The following DNAH11 variants were observed in gnomAD, a reference collection of about 807,000 sequenced individuals.
DNAH11 encodes the protein dynein axonemal heavy chain 11, also known as axonemal beta dynein heavy chain 11.
Under a neutral mutation model 526.0 loss-of-function variants are expected in DNAH11, and 442 were observed. That is an observed-to-expected ratio of 0.84 (90% CI 0.78 to 0.91). The LOEUF (loss-of-function observed/expected upper bound fraction) is 0.91. DNAH11 is among the 40% of genes least tolerant of loss of function. DNAH11 has a pLI of 0.00. For missense variants in DNAH11, 6,989 were observed against 5,448.7 expected (o/e 1.28, Z -8.90); for synonymous variants, 2,461 against 1,935.9 (o/e 1.27, Z -7.12).
chr7:21,547,842 T>C (rs1324453886), intron 2 of DNAH11, among the ~76,000 whole-genome samples: 1 of 152,228 alleles, frequency 6.6e-6, no homozygotes, highest in Non-Finnish European at 1.5e-5. Context: ...CCCTTTTGGT[T>C]CTTGAATCAC....
intron 9 of DNAH11, among the ~76,000 whole-genome samples, chr7:21,586,355 C>T (rs546702524): frequency 2.0e-5 from 3 of 152,056 alleles, no homozygotes; most frequent in Admixed American, 6.5e-5. Flanking sequence ...TATTTGAAAC[C>T]CAAACTCAAC....
chr7:21,543,145 A>G lies in DNAH11; in HGVS notation c.-101A>G. 3.5e-6 allele frequency: 5 copies of G among 1,433,858 alleles called. No homozygotes were observed. Among genetic ancestry groups the G allele is most frequent in the Non-Finnish European group, 4.5e-6 (5 of 1,100,942 alleles). 88.8% of individuals were successfully genotyped at this position (1,433,858 alleles called of 1,614,324 possible). ...GGGTCTGCGCTCGCGGCGACCGCGG[A>G]GGAGGGTGGGCGCCTGCGGAGGTGT... On this transcript the variant is annotated 5_prime_UTR_variant, in exon 1 of 82. Coordinates refer to ENST00000409508, the MANE Select transcript of DNAH11 (RefSeq NM_001277115.2).
Position 21,742,035 on chromosome 7 carries a change from A to T in DNAH11, c.8023A>T (p.Ile2675Phe), listed in dbSNP as rs72657364. The change falls in exon 49 of 82, where the codon ATT (isoleucine) becomes TTT (phenylalanine). Residue 2675 changes from isoleucine (I) to phenylalanine (F), a missense_variant. Coordinates refer to ENST00000409508, the MANE Select transcript of DNAH11 (RefSeq NM_001277115.2). ...CCAACAGCAAGCATTTGCTCCATCAATTCTCAGGAGTGGCCCCACTTTGAT... is the reference window on the plus strand; with the variant it reads ...CCAACAGCAAGCATTTGCTCCATCATTTCTCAGGAGTGGCCCCACTTTGAT... ...HFQQQAFAPS[I>F]LRSGPTLIQA... 3.7e-5 allele frequency: 60 copies of T among 1,613,918 alleles called. No individual in the cohort carries two copies. The highest frequency in any genetic ancestry group is 7.7e-5 in the South Asian group (7 of 91,072).
chr7:21,619,130 T>C lies in DNAH11; in HGVS notation c.4285T>C (p.Leu1429=), dbSNP rs1388064376. 1 of 1,613,704 alleles carries C rather than the reference T, an allele frequency of 6.2e-7. No homozygotes were observed. Among genetic ancestry groups the C allele is most frequent in the African/African-American group, 1.3e-5 (1 of 75,052 alleles). Residue 1429 remains leucine (L), a synonymous_variant, in exon 24 of 82, where the codon TTG becomes CTG. Transcript: ENST00000409508. ...VKFLINEATT[L]ADLLALRLHR... is the part of the protein sequence containing the mutation. ...GTTTTTAATAAATGAAGCCACAACT[T>C]TGGCAGATTTGTTAGCACTGCGGTT...
chr7:21,790,911 T>C (rs1788454163), intron 61 of DNAH11, among the ~76,000 whole-genome samples: 1 of 152,226 alleles, frequency 6.6e-6, no homozygotes, highest in Admixed American at 6.5e-5. Context: ...ATTAAGCCTT[T>C]GAAAGATTTT....
chr7:21,720,106 C>A (rs1000337454), intron 43 of DNAH11, among the ~76,000 whole-genome samples: 2 of 152,212 alleles, frequency 1.3e-5, no homozygotes, highest in Non-Finnish European at 2.9e-5. Flanking sequence ...AACAGCATTT[C>A]TTTCAAGGTT....
chr7:21,625,661 G>A (rs1011043905), intron 25 of DNAH11, among the ~76,000 whole-genome samples: 62 of 151,972 alleles, frequency 4.1e-4, no homozygotes, highest in African/African-American at 1.3e-3. Context: ...CTTAGAACTG[G>A]TTTTGCTGCA....
intron 41 of DNAH11, 133 bp from the exon 42 acceptor site, chr7:21,711,579 T>C: frequency 1.6e-6 from 2 of 1,283,296 alleles, no homozygotes; most frequent in Non-Finnish European, 2.1e-6. Flanking sequence ...TAGATCTTTA[T>C]TCAGACTGCA....
chr7:21,867,005 T>C (rs1476524329), intron 71 of DNAH11, among the ~76,000 whole-genome samples: 3 of 152,240 alleles, frequency 2.0e-5, no homozygotes, highest in African/African-American at 7.2e-5. Context: ...TTCCATCGTT[T>C]TCTTTCAGTG....
intron 20 of DNAH11, among the ~76,000 whole-genome samples, chr7:21,613,724 T>C (rs1198734373): frequency 1.3e-5 from 2 of 152,186 alleles, no homozygotes; most frequent in Non-Finnish European, 2.9e-5. Flanking sequence ...TGTGAGATAA[T>C]GCATATATTA....
chr7:21,661,353 TG>T (rs1554331492), intron 30 of DNAH11, among the ~76,000 whole-genome samples: 2 of 152,062 alleles, frequency 1.3e-5, no homozygotes, highest in Non-Finnish European at 1.5e-5. Flanking sequence ...GTTTGTGCAG[TG>T]GTGAATTGTT....
At chr7:21,609,392 G>A (rs916983549) in intron 20 of DNAH11, among the ~76,000 whole-genome samples, 1 of 151,976 alleles carries the variant, frequency 6.6e-6, no homozygotes, top group Non-Finnish European at 1.5e-5. Flanking sequence ...GCTAATTTTT[G>A]TATTTTTAGT....
rs1229717211 is a variant in DNAH11, at chr7:21,864,524, C to G, written c.11374-11C>G. 16 of 1,607,654 alleles carry G rather than the reference C, an allele frequency of 1.0e-5. No homozygotes were observed. In the East Asian group the frequency reaches 3.6e-4, roughly 36 times the overall value. ...ACCTAATAATCCTTTTCAATTTTGT[C>G]TACTCTCAAGATTTTGTTGAGAAAG... On this transcript the variant is annotated splice_polypyrimidine_tract_variant and intron_variant, in intron 69 of 81. Coordinates refer to ENST00000409508, the MANE Select transcript of DNAH11 (RefSeq NM_001277115.2).
rs902879657 is a variant in DNAH11, at chr7:21,791,356, G to A, written c.10026+2014G>A. On this transcript the variant is annotated intron_variant, in intron 61 of 81. Transcript: ENST00000409508. ...ATCTCTCTGCATTGGATGCACTCAG[G>A]TGAGGCTTTTAGCAGGAGTGACCTT... is the stretch of plus-strand genomic sequence containing the variant. Among the ~76,000 whole-genome samples the A allele has an allele frequency of 2.6e-5, 4 of 152,324 alleles. No individual in the cohort carries two copies. In the East Asian group the frequency reaches 7.7e-4, roughly 29 times the overall value.
chr7:21,776,768 A>G (rs557020247), intron 56 of DNAH11, among the ~76,000 whole-genome samples: 1 of 152,258 alleles, frequency 6.6e-6, no homozygotes, highest in East Asian at 1.9e-4. Context: ...TTCTATTTTG[A>G]GATGATAATA....
At chr7:21,672,466 T>C (rs1782679624) in intron 30 of DNAH11, among the ~76,000 whole-genome samples, 1 of 151,356 alleles carries the variant, frequency 6.6e-6, no homozygotes, top group African/African-American at 2.4e-5. Flanking sequence ...TTACATTTTT[T>C]TGTAGAGATG....
At chr7:21,733,149 G>A (rs1229266039) in intron 45 of DNAH11, among the ~76,000 whole-genome samples, 2 of 152,228 alleles carry the variant, frequency 1.3e-5, no homozygotes, top group Non-Finnish European at 2.9e-5. Flanking sequence ...CGCTTTGGGA[G>A]GCCGAGGTGG....
At chr7:21,654,958 C>T (rs1462356772) in intron 28 of DNAH11, among the ~76,000 whole-genome samples, 3 of 152,166 alleles carry the variant, frequency 2.0e-5, no homozygotes, top group South Asian at 4.1e-4. Context: ...AAGTGTTGTT[C>T]ATTCTGGGGT....
chr7:21,815,042 G>A (rs185186046), intron 63 of DNAH11, among the ~76,000 whole-genome samples: 17 of 152,078 alleles, frequency 1.1e-4, no homozygotes, highest in Admixed American at 2.6e-4. Context: ...CATTTATATT[G>A]AACTGGGTTT....
Sources: gnomAD v4.1 joint callset for allele counts (sites outside exome capture counted in the v4.1 genomes callset) on GRCh38, gnomAD v4.1.1 for gene constraint, MANE v1.5 for transcripts, NCBI Gene and HGNC (gene_info 2026-07-23, HGNC 2026-07-21) for gene names.